PGAP1: variants seen among roughly 807,000 people sequenced by gnomAD.
PGAP1 encodes the protein post-GPI attachment to proteins inositol deacylase 1.
In PGAP1, 76 loss-of-function variants were observed where a neutral mutation model predicts 127.0. The observed-to-expected ratio is 0.60, with a 90% CI of 0.50 to 0.72. The LOEUF (loss-of-function observed/expected upper bound fraction) is 0.72, where lower values mean the gene tolerates loss of function less well. PGAP1 is among the 30% of genes least tolerant of loss of function. The probability of loss-of-function intolerance (pLI) is 0.00; values close to 1 mark genes in which losing one functional copy is unlikely to be tolerated. For missense variants in PGAP1, 982 were observed against 1,071.3 expected (o/e 0.92, Z 1.16); for synonymous variants, 362 against 366.5 (o/e 0.99, Z 0.14).
chr2:196,839,942 T>G lies in PGAP1; in HGVS notation c.*1292A>C, dbSNP rs575280318. 5 of 152,332 alleles carry G rather than the reference T, an allele frequency of 3.3e-5. 1 individual carries two copies. In the South Asian group the frequency reaches 1.0e-3, roughly 32 times the overall value. 9.4% of individuals were successfully genotyped at this position (152,332 alleles called of 1,614,324 possible). A position where few individuals can be genotyped will look rare whatever the true frequency, so the allele number is the denominator to read the frequency against. On this transcript the variant is annotated 3_prime_UTR_variant, in exon 27 of 27. Transcript: ENST00000354764. ...GTTGAGAGGATTTGGGCATTTACAG[T>G]CTACACATCTAGAAGAACTCTATAA...
chr2:196,835,271 TC>T lies in PGAP1; in HGVS notation c.*5962del, dbSNP rs1700209582. 1 of 151,882 alleles carries T rather than the reference TC, an allele frequency of 6.6e-6. No individual in the cohort carries two copies. The allele number at this position is 151,882 out of a possible 1,614,324, so 9.4% of individuals were successfully genotyped here. A position where few individuals can be genotyped will look rare whatever the true frequency, so the allele number is the denominator to read the frequency against. On this transcript the variant is annotated 3_prime_UTR_variant, in exon 27 of 27. Transcript: ENST00000354764. ...CTATGTTAGGTTCCAGTGGACAAGT[TC>T]CCCTGTGAAACATGTGACTATATAA...
In PGAP1 at chr2:196,902,700, C is replaced by T. The variant is rs368553507; in HGVS notation, c.692G>A (p.Arg231Gln). 7.9e-5 allele frequency: 128 copies of T among 1,611,944 alleles called. No individual in the cohort carries two copies. The highest frequency in any genetic ancestry group is 2.0e-4 in the Admixed American group (12 of 59,906). ...TVNNYWILNA[R>Q]HINLTTLSVA... is the part of the protein sequence containing the mutation. Reference sequence around the variant, plus strand: ...AGAAAGTGTGGTTAAATTTATGTGTCGAGCATTTAGAATCCAATAGTTGTT... The same window carrying T: ...AGAAAGTGTGGTTAAATTTATGTGTTGAGCATTTAGAATCCAATAGTTGTT... The change falls in exon 5 of 27, where the codon CGA becomes CAA. Residue 231 changes from arginine to glutamine, a missense_variant. Arg to Gln is a conservative substitution (Grantham distance 43, BLOSUM62 1). Transcript: ENST00000354764.
At chr2:196,925,778 T>G (rs1023815330) in intron 1 of PGAP1, among the ~76,000 whole-genome samples, 1 of 152,052 alleles carries the variant, frequency 6.6e-6, no homozygotes, top group African/African-American at 2.4e-5. Flanking sequence ...AACACAGGTA[T>G]GCACACACAC....
chr2:196,886,331 T>C (rs1184329655), intron 10 of PGAP1, among the ~76,000 whole-genome samples: 1 of 151,758 alleles, frequency 6.6e-6, no homozygotes, highest in Non-Finnish European at 1.5e-5. Flanking sequence ...CGGCTAATTT[T>C]TGTATTTTTA....
intron 4 of PGAP1, among the ~76,000 whole-genome samples, chr2:196,911,881 T>C (rs545012916): frequency 2.0e-5 from 3 of 152,308 alleles, no homozygotes; most frequent in South Asian, 2.1e-4. Context: ...TGCAAGATTA[T>C]AGTATTATCT....
intron 13 of PGAP1, 139 bp from the exon 14 acceptor site, chr2:196,875,960 G>T (rs999597813): frequency 1.5e-5 from 8 of 525,192 alleles, no homozygotes; most frequent in African/African-American, 3.9e-5. Flanking sequence ...CTATAATTCT[G>T]CCTATACTTA....
At position 196,834,288 on chromosome 2, in the gene PGAP1, G is replaced by GGCCT. The variant is rs1283332977; in HGVS notation, c.*6942_*6945dup. The stretch of plus-strand genomic sequence containing the variant: ...AATGAGAACTCTGAAAATTAAGGGA[G>GGCCT]GCCTCTACAGCAATAGTTCTGGAAA... On this transcript the variant is annotated 3_prime_UTR_variant, in exon 27 of 27. Transcript: ENST00000354764. The GGCCT allele has an allele frequency of 1.3e-5, 2 of 152,138 alleles. No homozygotes were observed. The highest frequency in any genetic ancestry group is 4.8e-5 in the African/African-American group (2 of 41,398). 9.4% of individuals were successfully genotyped at this position (152,138 alleles called of 1,614,324 possible).
chr2:196,847,994 T>G lies in PGAP1; in HGVS notation c.1905A>C (p.Lys635Asn). ...TTACAAAAGGATCAACTTTGTATGGTTTGGCTTCTTTATCCAACATGGTAG... is the reference window on the plus strand; with the variant it reads ...TTACAAAAGGATCAACTTTGTATGGGTTGGCTTCTTTATCCAACATGGTAG... ...EYATMLDKEA[K>N]PYKVDPFVII... Residue 635 changes from lysine (K) to asparagine (N), a missense_variant, in exon 21 of 27, where the codon AAA becomes AAC. Lys to Asn is a moderately conservative substitution (Grantham distance 94). Transcript: ENST00000354764. The G allele has an allele frequency of 6.2e-7, 1 of 1,602,386 alleles. No individual in the cohort carries two copies. Among genetic ancestry groups the G allele is most frequent in the South Asian group, 1.1e-5 (1 of 88,232 alleles).
At chr2:196,886,524 A>C (rs1049028469) in intron 10 of PGAP1, among the ~76,000 whole-genome samples, 2 of 152,136 alleles carry the variant, frequency 1.3e-5, no homozygotes, top group Non-Finnish European at 2.9e-5. Context: ...AGATTTCAGT[A>C]ATGTCCATAC....
rs574080876 is a variant in PGAP1, at chr2:196,899,804, C to T, written c.808-1435G>A. Among the ~76,000 whole-genome samples, 208 of 152,296 alleles carry T rather than the reference C, an allele frequency of 1.4e-3. 2 individuals are homozygous for T. Among genetic ancestry groups the T allele is most frequent in the African/African-American group, 4.6e-3 (190 of 41,566 alleles). ...ATCCCAACACTGTGGGAGGCCGAGG[C>T]GGGTGGATCACCTGAGGTCAGGAGT... On this transcript the variant is annotated intron_variant, in intron 5 of 26. Transcript: ENST00000354764.
intron 10 of PGAP1, among the ~76,000 whole-genome samples, chr2:196,887,739 G>T (rs1177575883): frequency 1.3e-5 from 2 of 152,106 alleles, no homozygotes; most frequent in African/African-American, 4.8e-5. Context: ...CATTTTTCAG[G>T]AATATATAAA....
At chr2:196,858,139 C>G (rs190950495) in intron 20 of PGAP1, among the ~76,000 whole-genome samples, 2 of 151,944 alleles carry the variant, frequency 1.3e-5, no homozygotes, top group Non-Finnish European at 2.9e-5. Flanking sequence ...TGGTGGCTCA[C>G]GCCTGTAATC....
intron 17 of PGAP1, 96 bp from the exon 18 acceptor site, chr2:196,872,645 A>G: frequency 1.2e-6 from 1 of 821,680 alleles, no homozygotes; most frequent in Non-Finnish European, 2.0e-6. Context: ...TGAATAATGT[A>G]GAGGAAGCTA....
At chr2:196,914,619 CAAACAAAACAAAACA>C (rs74337641) in intron 3 of PGAP1, among the ~76,000 whole-genome samples, 1,837 of 144,448 alleles carry the variant, frequency 0.013, 22 homozygotes, top group African/African-American at 0.041. Context: ...GACCCTGTCT[CAAACAAAACAAAACA>C]AAACAAAACA....
intron 19 of PGAP1, among the ~76,000 whole-genome samples, chr2:196,870,286 T>A (rs1701370607): frequency 6.6e-6 from 1 of 151,742 alleles, no homozygotes; most frequent in African/African-American, 2.4e-5. Flanking sequence ...ATCTTTTTTC[T>A]TTTTCTTTCT....
intron 16 of PGAP1, 98 bp from the exon 17 acceptor site, chr2:196,873,124 C>A: frequency 4.1e-6 from 2 of 484,540 alleles, no homozygotes; most frequent in Non-Finnish European, 3.7e-6. Context: ...TTGTCCATTT[C>A]ATTAAAAAAA....
At chr2:196,868,430 A>G (rs2125796107) in intron 19 of PGAP1, among the ~76,000 whole-genome samples, 1 of 152,280 alleles carries the variant, frequency 6.6e-6, no homozygotes, top group South Asian at 2.1e-4. Context: ...TAAACTTAAC[A>G]ATCATAAACT....
chr2:196,887,135 C>T (rs1487930289), intron 10 of PGAP1, among the ~76,000 whole-genome samples: 2 of 152,046 alleles, frequency 1.3e-5, no homozygotes, highest in African/African-American at 4.8e-5. Flanking sequence ...GCAGTGTGAC[C>T]GCACTGTGGG....
rs1022462093 is a variant in PGAP1 at position 196,841,200 on chromosome 2, C to A, written c.*34G>T. On this transcript the variant is annotated 3_prime_UTR_variant, in exon 27 of 27. Transcript: ENST00000354764. ...TCCCTCTTATCACTGGCCCTAAACA[C>A]ATAAATTATCTTCATCATTCCTTAA... is the stretch of plus-strand genomic sequence containing the variant. 2.5e-6 allele frequency: 4 copies of A among 1,598,056 alleles called. No individual in the cohort carries two copies. Among genetic ancestry groups the A allele is most frequent in the South Asian group, 1.1e-5 (1 of 88,160 alleles).
Sources: gnomAD v4.1 joint callset for allele counts (sites outside exome capture counted in the v4.1 genomes callset) on GRCh38, gnomAD v4.1.1 for gene constraint, MANE v1.5 for transcripts, NCBI Gene and HGNC (gene_info 2026-07-23, HGNC 2026-07-21) for gene names.